PTBP1: variants seen among roughly 807,000 people sequenced by gnomAD.
The protein encoded by PTBP1 is polypyrimidine tract-binding protein 1.
In PTBP1, 8 loss-of-function variants were observed where a neutral mutation model predicts 59.8. The observed-to-expected ratio is 0.13, with a 90% CI of 0.08 to 0.24. The LOEUF (loss-of-function observed/expected upper bound fraction) is 0.24, where lower values mean the gene tolerates loss of function less well. Among genes scored for constraint, PTBP1 ranks in the 10% least tolerant of loss-of-function variants. The pLI is 1.00. For synonymous variants in PTBP1, 490 were observed against 320.7 expected (o/e 1.53, Z -5.64); for missense variants, 686 against 767.0 (o/e 0.89, Z 1.25).
chr19:801,596 T>C (rs2034336421), intron 2 of PTBP1, among the ~76,000 whole-genome samples: 1 of 152,218 alleles, frequency 6.6e-6, no homozygotes, highest in Non-Finnish European at 1.5e-5. Context: ...ACTCTCCAGC[T>C]TGGGGGAGGA....
rs1216088661 is a variant in PTBP1 at position 799,328 on chromosome 19, G to A, written c.9-85G>A. 5 of 1,283,056 alleles carry A rather than the reference G, an allele frequency of 3.9e-6. No individual in the cohort carries two copies. In the Admixed American group the frequency reaches 6.7e-5, roughly 17 times the overall value. The allele number at this position is 1,283,056 out of a possible 1,614,324, so 79.5% of individuals were successfully genotyped here. A position where few individuals can be genotyped will look rare whatever the true frequency, so the allele number is the denominator to read the frequency against. Reference sequence around the variant, plus strand: ...GAGGTGGCAGCTGCAGGGACCTACGGGCTCTCCTGGCCCGGGGACAGCTGG... The same window carrying A: ...GAGGTGGCAGCTGCAGGGACCTACGAGCTCTCCTGGCCCGGGGACAGCTGG... On this transcript the variant is annotated intron_variant, in intron 1 of 14. Coordinates refer to ENST00000356948, the MANE Select transcript of PTBP1 (RefSeq NM_002819.5).
chr19:806,292 G>C (rs1482749141), intron 9 of PTBP1, 116 bp from the exon 10 acceptor site: 8 of 1,233,028 alleles, frequency 6.5e-6, no homozygotes, highest in Admixed American at 3.6e-5. Context: ...GCCAGAGCCA[G>C]GGCCGCCTCC....
chr19:800,498 G>A (rs2034285055), intron 2 of PTBP1, among the ~76,000 whole-genome samples: 1 of 152,156 alleles, frequency 6.6e-6, no homozygotes, highest in Non-Finnish European at 1.5e-5. Flanking sequence ...GTCATTGTGG[G>A]TTGAGGGGGC....
At chr19:803,145 G>A (rs1467010563) in intron 2 of PTBP1, among the ~76,000 whole-genome samples, 1 of 152,218 alleles carries the variant, frequency 6.6e-6, no homozygotes, top group Non-Finnish European at 1.5e-5. Flanking sequence ...TGCTGCTGGG[G>A]GGGCTGGCTC....
Position 811,501 on chromosome 19 carries a change from T to G in PTBP1, c.*675T>G, listed in dbSNP as rs1478391178. 5.2e-5 allele frequency: 8 copies of G among 152,458 alleles called. No individual in the cohort carries two copies. In the South Asian group the frequency reaches 6.2e-4, roughly 12 times the overall value. 9.4% of individuals were successfully genotyped at this position (152,458 alleles called of 1,614,324 possible). A position where few individuals can be genotyped will look rare whatever the true frequency, so the allele number is the denominator to read the frequency against. Reference sequence around the variant, plus strand: ...TTCCAGTTGACCAAATATTCTAATCTTTTTTCATTTATATGCAAAAGAAAT... The same window carrying G: ...TTCCAGTTGACCAAATATTCTAATCGTTTTTCATTTATATGCAAAAGAAAT... On this transcript the variant is annotated 3_prime_UTR_variant, in exon 15 of 15. Transcript: ENST00000356948.
intron 1 of PTBP1, among the ~76,000 whole-genome samples, chr19:798,997 G>A (rs995411015): frequency 6.6e-6 from 1 of 152,266 alleles, no homozygotes. Flanking sequence ...TGGAAGCTCT[G>A]GCCCAGGCCT....
rs971647562 is a variant in PTBP1, at chr19:799,577, A to G, written c.39+134A>G. ...TAAGGGGCACTACCCTTGGTCTGGA[A>G]TCTGGAGTTGGGCGGTAGGGTTTGA... On this transcript the variant is annotated intron_variant, in intron 2 of 14. Transcript: ENST00000356948. The G allele has an allele frequency of 6.6e-6, 6 of 911,250 alleles. No homozygotes were observed. In the African/African-American group the frequency reaches 9.8e-5, roughly 15 times the overall value. 56.4% of individuals were successfully genotyped at this position (911,250 alleles called of 1,614,324 possible). A position where few individuals can be genotyped will look rare whatever the true frequency, so the allele number is the denominator to read the frequency against.
At chr19:798,014 A>C in intron 1 of PTBP1, among the ~76,000 whole-genome samples, 1 of 150,448 alleles carries the variant, frequency 6.6e-6, no homozygotes, top group East Asian at 2.0e-4. Context: ...CCGGAAGCGC[A>C]GGCGGGGCTG....
intron 9 of PTBP1, 200 bp from the exon 10 acceptor site, chr19:806,208 G>A (rs11549878): frequency 0.066 from 33,931 of 517,824 alleles, 1,475 homozygotes; most frequent in Non-Finnish European, 0.088. Context: ...GCTGTGAGGA[G>A]AGGCGGGCGC....
Position 808,037 on chromosome 19 carries a change from CGGTTT to C in PTBP1, c.1153+137_1153+141del. 3.5e-6 allele frequency: 3 copies of C among 854,528 alleles called. No homozygotes were observed. The highest frequency in any genetic ancestry group is 5.9e-6 in the Non-Finnish European group (3 of 509,598). 52.9% of individuals were successfully genotyped at this position (854,528 alleles called of 1,614,324 possible). On this transcript the variant is annotated intron_variant, in intron 11 of 14. Coordinates refer to ENST00000356948, the MANE Select transcript of PTBP1 (RefSeq NM_002819.5). The surrounding 1 kb of genome is among the most constrained non-coding windows in gnomAD (Gnocchi z 4.7). ...TCCGCCTCGTTTTATGGTTTGCTTT[CGGTTT>C]GCGAATTTTATTTGGTCCCGTAGAT...
At chr19:803,218 G>A (rs947851071) in intron 2 of PTBP1, among the ~76,000 whole-genome samples, 5 of 152,180 alleles carry the variant, frequency 3.3e-5, no homozygotes, top group East Asian at 1.9e-4. Flanking sequence ...GCCCAGGGCC[G>A]CTGGCAGCAC....
chr19:801,276 C>T (rs533239534), intron 2 of PTBP1, among the ~76,000 whole-genome samples: 4 of 152,340 alleles, frequency 2.6e-5, no homozygotes, highest in South Asian at 4.1e-4. Context: ...AGGCCCAGCT[C>T]GTGTCTCCTG....
Position 802,932 on chromosome 19 carries a change from G to T in PTBP1, c.40-629G>T, listed in dbSNP as rs62131351. On this transcript the variant is annotated intron_variant, in intron 2 of 14. Transcript: ENST00000356948. ...GTGGAGCTCCCCCGGCCCTAGTCAC[G>T]GCCGCGATACCAGCGGATCACTGGG... 3.4e-3 allele frequency among the ~76,000 whole-genome samples: 519 copies of T among 152,346 alleles called. 3 individuals carry two copies. Among genetic ancestry groups the T allele is most frequent in the South Asian group, 0.016 (77 of 4,834 alleles).
At chr19:798,525 C>T (rs946385076) in intron 1 of PTBP1, 1 of 152,306 alleles carries the variant, frequency 6.6e-6, no homozygotes. Context: ...GGTCTGGACC[C>T]CTTAGCATGC....
chr19:807,878 C>T lies in PTBP1; in HGVS notation c.1129C>T (p.Pro377Ser). The change falls in exon 11 of 15, where the codon CCC becomes TCC. Residue 377 changes from proline (P) to serine (S), a missense_variant. Coordinates refer to ENST00000356948, the MANE Select transcript of PTBP1 (RefSeq NM_002819.5). ...VSNLNPERVTPQSLFILFGVY... is the reference protein window; with the variant it reads ...VSNLNPERVTSQSLFILFGVY... ...TCTGCTGTCTCTAAAGAGAGTCACACCCCAAAGCCTCTTTATTCTTTTCGG... is the reference window on the plus strand; with the variant it reads ...TCTGCTGTCTCTAAAGAGAGTCACATCCCAAAGCCTCTTTATTCTTTTCGG... 6.2e-7 allele frequency: 1 copy of T among 1,613,600 alleles called. No individual in the cohort carries two copies. Among genetic ancestry groups the T allele is most frequent in the Non-Finnish European group, 8.5e-7 (1 of 1,179,552 alleles).
In PTBP1 at chr19:811,439, A is replaced by G. The variant is rs1416445969; in HGVS notation, c.*613A>G. The stretch of plus-strand genomic sequence containing the variant: ...CTGGTCGACATAATCTCTGTATTAT[A>G]TACTTTGCAGTTGCAGACGTCTGTG... On this transcript the variant is annotated 3_prime_UTR_variant, in exon 15 of 15. Coordinates refer to ENST00000356948, the MANE Select transcript of PTBP1 (RefSeq NM_002819.5). 1 of 152,506 alleles carries G rather than the reference A, an allele frequency of 6.6e-6. No homozygotes were observed. The highest frequency in any genetic ancestry group is 2.4e-5 in the African/African-American group (1 of 41,476). The allele number at this position is 152,506 out of a possible 1,614,324, so 9.4% of individuals were successfully genotyped here.
At chr19:800,148 G>A (rs2034270961) in intron 2 of PTBP1, among the ~76,000 whole-genome samples, 1 of 149,920 alleles carries the variant, frequency 6.7e-6, no homozygotes, top group Admixed American at 6.7e-5. Flanking sequence ...AACATTGTTG[G>A]CCAGGCTGGT....
At chr19:809,456 G>A (rs2034750168) in intron 13 of PTBP1, among the ~76,000 whole-genome samples, 1 of 152,046 alleles carries the variant, frequency 6.6e-6, no homozygotes, top group African/African-American at 2.4e-5. Context: ...AGCTGGGAGG[G>A]ACTATAGGTG....
At chr19:802,374 C>T (rs890554394) in intron 2 of PTBP1, among the ~76,000 whole-genome samples, 1 of 150,716 alleles carries the variant, frequency 6.6e-6, no homozygotes, top group Non-Finnish European at 1.5e-5. Flanking sequence ...CTCGGGGAGG[C>T]CAGCGTTGGT....
Sources: allele counts gnomAD v4.1 joint callset (sites outside exome capture counted in the v4.1 genomes callset), GRCh38; gene constraint gnomAD v4.1.1; non-coding constraint Gnocchi (gnomAD v3.1); transcripts MANE v1.5; gene names NCBI Gene and HGNC (gene_info 2026-07-23, HGNC 2026-07-21).